The following DIAPH2 variants were observed in gnomAD, a reference collection of about 807,000 sequenced individuals.
The protein encoded by DIAPH2 is diaphanous related formin 2, also known as protein diaphanous homolog 2.
Under a neutral mutation model 92.7 loss-of-function variants are expected in DIAPH2, and 35 were observed. That is an observed-to-expected ratio of 0.38 (90% confidence interval 0.29 to 0.50). The LOEUF (loss-of-function observed/expected upper bound fraction) is 0.50, where lower values mean the gene tolerates loss of function less well. DIAPH2 is among the 20% of genes least tolerant of loss of function. DIAPH2 has a pLI of 0.94. For synonymous variants in DIAPH2, 301 were observed against 280.4 expected (o/e 1.07, Z -0.73); for missense variants, 701 against 819.5 (o/e 0.86, Z 1.77).
chrX:97,471,249 C>A (rs1483964514), intron 26 of DIAPH2, among the ~76,000 whole-genome samples: 1 of 111,258 alleles, frequency 9.0e-6, no homozygotes, highest in Non-Finnish European at 1.9e-5. Flanking sequence ...TCACACTACC[C>A]ACAACATGCT....
At chrX:97,069,969 G>A (rs2066658200) in intron 17 of DIAPH2, among the ~76,000 whole-genome samples, 1 of 111,333 alleles carries the variant, frequency 9.0e-6, no homozygotes, top group Non-Finnish European at 1.9e-5. Flanking sequence ...ACAATTGCTT[G>A]TAAAAATCCA....
At chrX:97,058,013 T>A (rs769330305) in intron 17 of DIAPH2, among the ~76,000 whole-genome samples, 3 of 111,653 alleles carry the variant, frequency 2.7e-5, no homozygotes, top group Non-Finnish European at 5.7e-5. Flanking sequence ...ACTGTCTATG[T>A]AGACTTTATT....
At chrX:97,537,386 C>T (rs191144822) in intron 26 of DIAPH2, among the ~76,000 whole-genome samples, 8 of 111,733 alleles carry the variant, frequency 7.2e-5, no homozygotes, top group African/African-American at 1.3e-4. Context: ...TCATGATAGA[C>T]GGGAAGAGAC....
At chrX:96,894,840 G>A (rs1244705854) in intron 5 of DIAPH2, among the ~76,000 whole-genome samples, 2 of 110,886 alleles carry the variant, frequency 1.8e-5, no homozygotes, top group Non-Finnish European at 3.8e-5. Flanking sequence ...ACCATAGTTT[G>A]ATTCAAGTAT....
chrX:97,232,454 C>T (rs765389188), intron 22 of DIAPH2, among the ~76,000 whole-genome samples: 43 of 111,474 alleles, frequency 3.9e-4, no homozygotes, highest in Non-Finnish European at 6.6e-4. Context: ...AGGCTGGTCT[C>T]GAACTCAGGT....
chrX:97,112,362 C>T (rs2066986272), intron 20 of DIAPH2, among the ~76,000 whole-genome samples: 1 of 111,197 alleles, frequency 9.0e-6, no homozygotes, highest in Admixed American at 9.6e-5. Flanking sequence ...GACTAAAAAA[C>T]TACTCCCTAA....
intron 21 of DIAPH2, among the ~76,000 whole-genome samples, chrX:97,135,047 T>C (rs1380878783): frequency 2.7e-5 from 3 of 111,985 alleles, no homozygotes; most frequent in Non-Finnish European, 5.6e-5. Flanking sequence ...CTGAATAAAA[T>C]TGATATAGTC....
At chrX:97,301,966 G>A (rs2068709665) in intron 23 of DIAPH2, among the ~76,000 whole-genome samples, 1 of 110,981 alleles carries the variant, frequency 9.0e-6, no homozygotes, top group Admixed American at 9.6e-5. Flanking sequence ...TGTAATCCCA[G>A]CACTTTGGGA....
intron 22 of DIAPH2, among the ~76,000 whole-genome samples, chrX:97,155,177 C>T (rs915283213): frequency 9.0e-6 from 1 of 111,728 alleles, no homozygotes; most frequent in East Asian, 2.8e-4. Flanking sequence ...TATTGATTAT[C>T]ACAAAATCCC....
intron 23 of DIAPH2, among the ~76,000 whole-genome samples, chrX:97,273,639 A>T (rs1032343277): frequency 3.6e-5 from 4 of 112,073 alleles, no homozygotes; most frequent in African/African-American, 1.3e-4. Context: ...ATTTACCGTC[A>T]ACTAAATGGT....
intron 24 of DIAPH2, among the ~76,000 whole-genome samples, chrX:97,356,688 A>G (rs887985934): frequency 9.0e-6 from 1 of 111,137 alleles, no homozygotes. Context: ...TTTCTCTTAT[A>G]TGATTTTTCC....
chrX:96,948,244 T>C (rs1245879326), intron 14 of DIAPH2, among the ~76,000 whole-genome samples: 1 of 112,560 alleles, frequency 8.9e-6, no homozygotes, highest in African/African-American at 3.2e-5. Flanking sequence ...TGATGGTTTA[T>C]TTTTAGATTT....
chrX:97,553,679 AAAAAAAG>A (rs2071236724), intron 26 of DIAPH2, among the ~76,000 whole-genome samples: 1 of 109,658 alleles, frequency 9.1e-6, no homozygotes, highest in South Asian at 3.8e-4. Context: ...AAAAAAAAAA[AAAAAAAG>A]AAGAAGAAGA....
At chrX:97,405,900 C>A (rs996383120) in intron 25 of DIAPH2, among the ~76,000 whole-genome samples, 6 of 111,326 alleles carry the variant, frequency 5.4e-5, no homozygotes, top group African/African-American at 2.0e-4. Context: ...CTTAGTTGAT[C>A]ATTTTCTGGC....
chrX:97,179,645 A>G (rs2067523244), intron 22 of DIAPH2, among the ~76,000 whole-genome samples: 1 of 111,662 alleles, frequency 9.0e-6, no homozygotes, highest in Non-Finnish European at 1.9e-5. Context: ...TGTCTTTGCT[A>G]TTGTAAATAG....
intron 19 of DIAPH2, among the ~76,000 whole-genome samples, chrX:97,091,645 A>T (rs1041175957): frequency 2.7e-5 from 3 of 111,046 alleles, no homozygotes; most frequent in Non-Finnish European, 5.7e-5. Flanking sequence ...TGTTCTGAAA[A>T]TATATTTTCA....
At chrX:97,192,991 CTTTCTT>C (rs1243836614) in intron 22 of DIAPH2, among the ~76,000 whole-genome samples, 1 of 101,452 alleles carries the variant, frequency 9.9e-6, no homozygotes, top group Non-Finnish European at 1.9e-5. Flanking sequence ...TACATTATTT[CTTTCTT>C]TTTCTTTTTC....
At chrX:97,004,546 T>C (rs2066166891) in intron 17 of DIAPH2, among the ~76,000 whole-genome samples, 1 of 109,711 alleles carries the variant, frequency 9.1e-6, no homozygotes, top group South Asian at 3.7e-4. Context: ...TTCCTAGATA[T>C]TTTATTTTAT....
At chrX:97,246,621 A>G (rs1356357142) in intron 22 of DIAPH2, among the ~76,000 whole-genome samples, 1 of 112,664 alleles carries the variant, frequency 8.9e-6, no homozygotes, top group Non-Finnish European at 1.9e-5. Context: ...GTATCTGAAC[A>G]GTTTGGCTGA....
Sources: gnomAD v4.1 joint callset for allele counts (sites outside exome capture counted in the v4.1 genomes callset) on GRCh38, gnomAD v4.1.1 for gene constraint, MANE v1.5 for transcripts, NCBI Gene and HGNC (gene_info 2026-07-23, HGNC 2026-07-21) for gene names.